UBAP2: variants seen among roughly 807,000 people sequenced by gnomAD.
UBAP2 encodes ubiquitin associated protein 2, also known as ubiquitin-associated protein 2.
In UBAP2, 75 loss-of-function variants were observed where a neutral mutation model predicts 139.6. The observed-to-expected ratio is 0.54, with a 90% CI of 0.45 to 0.65. The LOEUF is 0.65. Ranked by LOEUF, UBAP2 falls within the 30% of genes least tolerant of loss-of-function variation. The probability of loss-of-function intolerance (pLI) is 0.00; values close to 1 mark genes in which losing one functional copy is unlikely to be tolerated. For missense variants in UBAP2, 1,368 were observed against 1,369.6 expected, an observed-to-expected ratio of 1.00 and a Z score of 0.02; for synonymous variants, 526 against 526.2, an observed-to-expected ratio of 1.00 and a Z score of 0.01.
At chr9:34,019,572 AAAGGT>A (rs1183366892) in intron 1 of UBAP2, among the ~76,000 whole-genome samples, 1 of 152,044 alleles carries the variant, frequency 6.6e-6, no homozygotes, top group Non-Finnish European at 1.5e-5. Flanking sequence ...GGGAGGATAC[AAAGGT>A]TCGGAAGATG....
At chr9:33,971,969 C>T (rs1171937823) in intron 7 of UBAP2, among the ~76,000 whole-genome samples, 3 of 152,208 alleles carry the variant, frequency 2.0e-5, no homozygotes, top group Admixed American at 6.5e-5. Flanking sequence ...ACCTTCCACA[C>T]ATTCTGGTAT....
intron 16 of UBAP2, among the ~76,000 whole-genome samples, chr9:33,936,590 G>A (rs1824538131): frequency 6.6e-6 from 1 of 152,036 alleles, no homozygotes; most frequent in South Asian, 2.1e-4. Context: ...CACCATGTGA[G>A]CTGACATTGC....
intron 22 of UBAP2, among the ~76,000 whole-genome samples, chr9:33,924,563 G>C (rs1438439806): frequency 6.6e-6 from 1 of 152,254 alleles, no homozygotes; most frequent in African/African-American, 2.4e-5. Flanking sequence ...ACCACAGGCA[G>C]GTGCTTGTGT....
At chr9:34,023,301 T>TA (rs1451992083) in intron 1 of UBAP2, among the ~76,000 whole-genome samples, 2 of 151,946 alleles carry the variant, frequency 1.3e-5, no homozygotes, top group Non-Finnish European at 2.9e-5. Flanking sequence ...CATCTGGTGA[T>TA]AAAAATCTGC....
At chr9:33,969,770 G>C (rs1206170244) in intron 8 of UBAP2, among the ~76,000 whole-genome samples, 1 of 151,134 alleles carries the variant, frequency 6.6e-6, no homozygotes, top group Non-Finnish European at 1.5e-5. Flanking sequence ...GGACACTGAA[G>C]CAAGAGAATC....
At chr9:34,027,673 C>G (rs570514925) in intron 1 of UBAP2, among the ~76,000 whole-genome samples, 1 of 149,596 alleles carries the variant, frequency 6.7e-6, no homozygotes, top group South Asian at 2.1e-4. Flanking sequence ...CTGGCTAACA[C>G]GGCGAAACCC....
chr9:34,036,109 T>A (rs1242448737), intron 1 of UBAP2, among the ~76,000 whole-genome samples: 1 of 151,990 alleles, frequency 6.6e-6, no homozygotes, highest in Non-Finnish European at 1.5e-5. Flanking sequence ...AGGAATTTGA[T>A]ACTTTTTTCT....
chr9:34,019,140 C>T (rs571044047), intron 1 of UBAP2, among the ~76,000 whole-genome samples: 43 of 152,248 alleles, frequency 2.8e-4, no homozygotes, highest in African/African-American at 1.0e-3. Context: ...GTGGCTCACA[C>T]CTGTAATCCC....
At chr9:34,005,434 C>CAAAAA (rs36086568) in intron 2 of UBAP2, among the ~76,000 whole-genome samples, 1 of 86,304 alleles carries the variant, frequency 1.2e-5, no homozygotes, top group African/African-American at 4.4e-5. Flanking sequence ...GACCCTGTCT[C>CAAAAA]AAAAAAAAAA....
chr9:33,989,225 C>G (rs868517224), intron 4 of UBAP2, 99 bp from the exon 5 acceptor site: 1 of 1,258,118 alleles, frequency 7.9e-7, no homozygotes, highest in Admixed American at 3.6e-5. Context: ...TTTTTTGAGA[C>G]GGAGTCTCGC....
chr9:33,989,073 T>C lies in UBAP2; in HGVS notation c.342A>G (p.Ser114=), dbSNP rs375463502. 2.5e-6 allele frequency: 4 copies of C among 1,613,962 alleles called. No individual in the cohort carries two copies. The highest frequency in any genetic ancestry group is 3.4e-6 in the Non-Finnish European group (4 of 1,180,006). The stretch of plus-strand genomic sequence containing the variant: ...TCTTCTCTCTATTCTCTTTGTTTTC[T>C]GAATTTTCTTTTGCAAAATTCTTTT... ...CKKKNFAKEN[S]ENKENREKKS... Residue 114 remains serine (S), a synonymous_variant, in exon 5 of 29, where the codon TCA becomes TCG. Transcript: ENST00000379238.
intron 5 of UBAP2, among the ~76,000 whole-genome samples, chr9:33,988,302 G>A (rs1388359533): frequency 6.6e-6 from 1 of 152,044 alleles, no homozygotes; most frequent in Non-Finnish European, 1.5e-5. Context: ...AAATATCAGT[G>A]GAATATATGA....
intron 10 of UBAP2, among the ~76,000 whole-genome samples, chr9:33,958,412 A>G (rs1319202307): frequency 7.9e-6 from 1 of 126,322 alleles, no homozygotes; most frequent in South Asian, 2.9e-4. Flanking sequence ...ATGGTTCCCC[A>G]CCCCCTTTTT....
chr9:34,008,709 G>C (rs998899296), intron 2 of UBAP2, among the ~76,000 whole-genome samples: 1 of 152,120 alleles, frequency 6.6e-6, no homozygotes, highest in African/African-American at 2.4e-5. Flanking sequence ...GCTCCTGCCT[G>C]TAATCCCAGC....
intron 1 of UBAP2, among the ~76,000 whole-genome samples, chr9:34,019,680 C>T (rs1449285214): frequency 5.0e-5 from 6 of 120,758 alleles, no homozygotes; most frequent in East Asian, 4.6e-4. Context: ...ATGTTATGTA[C>T]ATTTTACTAC....
chr9:33,969,266 CA>C (rs1340594819), intron 8 of UBAP2, among the ~76,000 whole-genome samples: 1 of 152,046 alleles, frequency 6.6e-6, no homozygotes, highest in Non-Finnish European at 1.5e-5. Flanking sequence ...AAAAGTTAAA[CA>C]AACTAAGCTG....
rs2296366 is a variant in UBAP2, at chr9:33,923,299, G to A, written c.2897-6C>T. The A allele has an allele frequency of 7.0e-4, 1,132 of 1,614,092 alleles. 12 individuals carry two copies. The East Asian group carries it at 0.02, about 28-fold the overall frequency. ...CTGGGTCAGGTCGTCATAACCTAGC[G>A]TGGCAGGGTACAAGAGGCAAGTGTG... On this transcript the variant is annotated splice_polypyrimidine_tract_variant and splice_region_variant and intron_variant, in intron 25 of 28. Transcript: ENST00000379238.
At chr9:34,022,405 A>G (rs1825029820) in intron 1 of UBAP2, among the ~76,000 whole-genome samples, 2 of 149,802 alleles carry the variant, frequency 1.3e-5, no homozygotes, top group South Asian at 2.1e-4. Context: ...CACAGTTCAA[A>G]TCCAGGCTAG....
intron 12 of UBAP2, among the ~76,000 whole-genome samples, 199 bp downstream of exon 12, chr9:33,953,086 T>C (rs756649159): frequency 6.6e-6 from 1 of 152,166 alleles, no homozygotes; most frequent in African/African-American, 2.4e-5. Flanking sequence ...CCCAGTCTGG[T>C]TTCAAACTCC....
Sources: allele counts gnomAD v4.1 joint callset (sites outside exome capture counted in the v4.1 genomes callset), GRCh38; gene constraint gnomAD v4.1.1; transcripts MANE v1.5; gene names NCBI Gene and HGNC (gene_info 2026-07-23, HGNC 2026-07-21).